MCPH1: variants seen among roughly 807,000 people sequenced by gnomAD.
MCPH1 encodes microcephalin 1, also known as microcephalin.
A neutral mutation model predicts 84.5 loss-of-function variants in MCPH1; 104 were observed. The ratio of observed to expected loss-of-function variants is 1.23; its 90% CI spans 1.05 to 1.45. The LOEUF (loss-of-function observed/expected upper bound fraction) is 1.45, where lower values mean the gene tolerates loss of function less well. Among genes scored for constraint, MCPH1 ranks in the 40% most tolerant of loss-of-function variants. The probability of loss-of-function intolerance (pLI) is 0.00; values close to 1 mark genes in which losing one functional copy is unlikely to be tolerated. For synonymous variants in MCPH1, 514 were observed against 366.8 expected (o/e 1.40, Z -4.58); for missense variants, 1,498 against 1,005.7 (o/e 1.49, Z -6.62).
chr8:6,532,356 C>T (rs1819679870), intron 12 of MCPH1: 1 of 1,614,134 alleles, frequency 6.2e-7, no homozygotes, highest in Non-Finnish European at 8.5e-7. Context: ...CAGTTAACTT[C>T]CGCGTTTGCT....
intron 12 of MCPH1, among the ~76,000 whole-genome samples, chr8:6,613,020 G>C (rs1297061592): frequency 1.3e-5 from 2 of 152,252 alleles, no homozygotes; most frequent in Admixed American, 6.5e-5. Context: ...AGACCTGATG[G>C]AGCGTGTCCT....
chr8:6,537,140 T>C (rs1820649152), intron 12 of MCPH1, among the ~76,000 whole-genome samples: 5 of 152,146 alleles, frequency 3.3e-5, no homozygotes, highest in Admixed American at 3.3e-4. Context: ...GACCCGGCTC[T>C]TTCCAATTTC....
At chr8:6,623,349 TCTCA>T (rs1267962380) in intron 13 of MCPH1, among the ~76,000 whole-genome samples, 1 of 149,794 alleles carries the variant, frequency 6.7e-6, no homozygotes, top group Non-Finnish European at 1.5e-5. Flanking sequence ...CCTCTCTCTC[TCTCA>T]ATCTCTCTCT....
intron 12 of MCPH1, among the ~76,000 whole-genome samples, chr8:6,592,020 G>A (rs1195472801): frequency 6.6e-6 from 1 of 152,198 alleles, no homozygotes; most frequent in Non-Finnish European, 1.5e-5. Context: ...GTGAAGCTCT[G>A]TTAGAGTATC....
chr8:6,621,178 G>C (rs1456305129), intron 12 of MCPH1: 2 of 483,142 alleles, frequency 4.1e-6, no homozygotes, highest in Non-Finnish European at 7.5e-6. Flanking sequence ...TCAATATTTT[G>C]TTTGAGGCTT....
chr8:6,480,237 G>A (rs971571862), intron 10 of MCPH1, among the ~76,000 whole-genome samples: 1 of 151,536 alleles, frequency 6.6e-6, no homozygotes, highest in East Asian at 1.9e-4. Context: ...TATTCTGTCT[G>A]CCTCAGCCTC....
intron 9 of MCPH1, among the ~76,000 whole-genome samples, chr8:6,476,429 CA>C (rs57044817): frequency 1.6e-3 from 114 of 71,240 alleles, no homozygotes; most frequent in Non-Finnish European, 1.5e-3. Flanking sequence ...AACTCCATCT[CA>C]AAAAAAAAAA....
At chr8:6,496,176 C>T (rs1331939749) in intron 11 of MCPH1, among the ~76,000 whole-genome samples, 4 of 152,222 alleles carry the variant, frequency 2.6e-5, no homozygotes, top group South Asian at 4.2e-4. Flanking sequence ...ACAGTCCCAT[C>T]GGGGGGTGAC....
intron 12 of MCPH1, among the ~76,000 whole-genome samples, chr8:6,522,782 A>T (rs1446187941): frequency 1.3e-5 from 2 of 151,860 alleles, no homozygotes; most frequent in African/African-American, 4.8e-5. Context: ...TCAAAAAAAA[A>T]AAAGAAAAGA....
chr8:6,473,919 T>G, intron 9 of MCPH1: 1 of 1,546,100 alleles, frequency 6.5e-7, no homozygotes, highest in South Asian at 1.2e-5. Context: ...TCTTCTGGTT[T>G]ATTGCTGGGC....
At chr8:6,526,616 C>G (rs896535571) in intron 12 of MCPH1, among the ~76,000 whole-genome samples, 25 of 152,048 alleles carry the variant, frequency 1.6e-4, no homozygotes, top group African/African-American at 5.8e-4. Context: ...ACTTGGTATC[C>G]AAAGGACAGA....
intron 8 of MCPH1, among the ~76,000 whole-genome samples, chr8:6,447,601 A>T (rs1488114745): frequency 6.6e-6 from 1 of 152,146 alleles, no homozygotes; most frequent in Non-Finnish European, 1.5e-5. Flanking sequence ...CCCAGGTTGG[A>T]GTGCAGTGGC....
intron 12 of MCPH1, chr8:6,527,457 A>C (rs1175856359): frequency 4.9e-5 from 72 of 1,461,262 alleles, no homozygotes; most frequent in Non-Finnish European, 6.5e-5. Flanking sequence ...ACTAGACATG[A>C]AGAAACTCAC....
At chr8:6,631,552 C>G (rs1479830926) in intron 13 of MCPH1, among the ~76,000 whole-genome samples, 1 of 151,042 alleles carries the variant, frequency 6.6e-6, no homozygotes, top group South Asian at 2.1e-4. Context: ...GTCCAATAGG[C>G]AAATGAAAAG....
In MCPH1 at chr8:6,625,394, A is replaced by G. The variant is rs976465213; in HGVS notation, c.2452+3703A>G. ...ACAAAGCACATTGTGTCTTTTGGAG[A>G]CTTTTTTTCCTCCCGTTCATTTCCA... On this transcript the variant is annotated intron_variant, in intron 13 of 13. Transcript: ENST00000344683. 9 of 985,176 alleles carry G rather than the reference A, an allele frequency of 9.1e-6. No individual in the cohort carries two copies. The African/African-American group carries it at 1.2e-4, about 13-fold the overall frequency. 61.0% of individuals were successfully genotyped at this position (985,176 alleles called of 1,614,324 possible).
intron 12 of MCPH1, among the ~76,000 whole-genome samples, chr8:6,575,272 A>T (rs1826977043): frequency 6.6e-6 from 1 of 152,238 alleles, no homozygotes; most frequent in African/African-American, 2.4e-5. Flanking sequence ...AAACAGGTGA[A>T]GAAGAACAGC....
intron 12 of MCPH1, among the ~76,000 whole-genome samples, chr8:6,591,732 T>C (rs547942010): frequency 6.6e-6 from 1 of 152,366 alleles, no homozygotes; most frequent in African/African-American, 2.4e-5. Context: ...ACTCAGCTCC[T>C]GCACTGCATT....
At chr8:6,538,902 A>G (rs1158822726) in intron 12 of MCPH1, among the ~76,000 whole-genome samples, 1 of 152,178 alleles carries the variant, frequency 6.6e-6, no homozygotes, top group Non-Finnish European at 1.5e-5. Flanking sequence ...GGGATATTCT[A>G]TTTGGGAGGC....
intron 11 of MCPH1, among the ~76,000 whole-genome samples, chr8:6,482,121 A>G (rs1586033136): frequency 2.0e-5 from 3 of 152,288 alleles, no homozygotes; most frequent in African/African-American, 7.2e-5. Context: ...GTTTGTCTTC[A>G]AGGAACCCTT....
Sources: gnomAD v4.1 joint callset for allele counts (sites outside exome capture counted in the v4.1 genomes callset) on GRCh38, gnomAD v4.1.1 for gene constraint, MANE v1.5 for transcripts, NCBI Gene and HGNC (gene_info 2026-07-23, HGNC 2026-07-21) for gene names.